QPRT: variants seen among roughly 807,000 people sequenced by gnomAD.
The protein encoded by QPRT is nicotinate-nucleotide pyrophosphorylase [carboxylating].
In QPRT, 17 loss-of-function variants were observed where a neutral mutation model predicts 19.8. The ratio of observed to expected loss-of-function variants is 0.86; its 90% CI spans 0.59 to 1.29. QPRT has a LOEUF of 1.29. Among genes scored for constraint, QPRT ranks in the 50% most tolerant of loss-of-function variants. The pLI is 0.00. For synonymous variants in QPRT, 178 were observed against 191.0 expected, an observed-to-expected ratio of 0.93 and a Z score of 0.56; for missense variants, 336 against 405.1, an observed-to-expected ratio of 0.83 and a Z score of 1.46.
intron 1 of QPRT, among the ~76,000 whole-genome samples, chr16:29,687,462 C>G (rs780136167): frequency 6.6e-6 from 1 of 152,358 alleles, no homozygotes; most frequent in Non-Finnish European, 1.5e-5. Flanking sequence ...CCAGCCCTGG[C>G]TCTGCCACTT....
At chr16:29,693,632 G>C (rs1451955367) in intron 1 of QPRT, among the ~76,000 whole-genome samples, 1 of 151,878 alleles carries the variant, frequency 6.6e-6, no homozygotes, top group Non-Finnish European at 1.5e-5. Flanking sequence ...TGTCACCCAG[G>C]CTGGAGTGCA....
In QPRT at chr16:29,695,072, C is replaced by G; in HGVS notation, c.422C>G (p.Thr141Arg). 1 of 1,606,478 alleles carries G rather than the reference C, an allele frequency of 6.2e-7. No homozygotes were observed. Among genetic ancestry groups the G allele is most frequent in the Non-Finnish European group, 8.5e-7 (1 of 1,178,782 alleles). The change falls in exon 2 of 4, where the codon ACG becomes AGG. Residue 141 changes from threonine (T) to arginine (R), a missense_variant. Coordinates refer to ENST00000395384, the MANE Select transcript of QPRT (RefSeq NM_014298.6). ...TGHVAGTRKTTPGFRLVEKYG... is the reference protein window; with the variant it reads ...TGHVAGTRKTRPGFRLVEKYG... ...CACGTGGCAGGCACGAGGAAGACCA[C>G]GCCAGGCTTCCGGCTGGTGGAGAAG...
rs1967178053 is a variant in QPRT at position 29,686,869 on chromosome 16, G to A, written c.13+7659G>A. Among the ~76,000 whole-genome samples, 6 of 152,272 alleles carry A rather than the reference G, an allele frequency of 3.9e-5. No individual in the cohort carries two copies. In the South Asian group the frequency reaches 1.2e-3, roughly 32 times the overall value. On this transcript the variant is annotated intron_variant, in intron 1 of 3. Transcript: ENST00000395384. Reference sequence around the variant, plus strand: ...CCAGAGTGCTGGGATTAACAGACATGAGCCTCCACACCTGGCAACTTCTTT... The same window carrying A: ...CCAGAGTGCTGGGATTAACAGACATAAGCCTCCACACCTGGCAACTTCTTT...
chr16:29,697,634 C>T lies in QPRT; in HGVS notation c.*223C>T, dbSNP rs1444942262. 1.6e-5 allele frequency: 9 copies of T among 575,500 alleles called. No individual in the cohort carries two copies. The highest frequency in any genetic ancestry group is 2.5e-5 in the Non-Finnish European group (8 of 326,222). The allele number at this position is 575,500 out of a possible 1,614,324, so 35.6% of individuals were successfully genotyped here. On this transcript the variant is annotated 3_prime_UTR_variant, in exon 4 of 4. Coordinates refer to ENST00000395384, the MANE Select transcript of QPRT (RefSeq NM_014298.6). This position sits in a 1 kb window ranked among gnomAD's most constrained non-coding sequence, Gnocchi z 4.4. ...TAAAATGGGTCTAATAAAGGATCAACCACATGGGGTTCTGCGGTGATAATG... is the reference window on the plus strand; with the variant it reads ...TAAAATGGGTCTAATAAAGGATCAATCACATGGGGTTCTGCGGTGATAATG...
intron 1 of QPRT, among the ~76,000 whole-genome samples, chr16:29,680,366 G>C (rs1268497319): frequency 6.6e-6 from 1 of 152,172 alleles, no homozygotes; most frequent in Admixed American, 6.6e-5. Flanking sequence ...TCAGCCCAGA[G>C]CATTCTGTGT....
rs776288906 is a variant in QPRT, at chr16:29,694,968, C to T, written c.318C>T (p.Asn106=). The T allele has an allele frequency of 9.3e-6, 15 of 1,608,918 alleles. No individual in the cohort carries two copies. In the East Asian group the frequency reaches 3.3e-4, roughly 36 times the overall value. The change falls in exon 2 of 4, where the codon AAC becomes AAT. Residue 106 remains asparagine (N), a synonymous_variant. Coordinates refer to ENST00000395384, the MANE Select transcript of QPRT (RefSeq NM_014298.6). The part of the protein sequence containing the change: ...CLLLGERVAL[N]TLARCSGIAS... ...TGCTGGGGGAACGGGTGGCCCTCAA[C>T]ACGCTGGCCCGCTGCAGTGGCATTG...
chr16:29,684,391 G>A (rs949186721), intron 1 of QPRT, among the ~76,000 whole-genome samples: 1 of 152,146 alleles, frequency 6.6e-6, no homozygotes, highest in Non-Finnish European at 1.5e-5. Context: ...TGCCTCCCAG[G>A]TTCAAGCGAT....
intron 1 of QPRT, 70 bp from the exon 2 acceptor site, chr16:29,694,594 A>T: frequency 6.8e-7 from 1 of 1,465,938 alleles, no homozygotes. Flanking sequence ...TGGTTGTTAA[A>T]TATTTTGACA....
At position 29,694,415 on chromosome 16, in the gene QPRT, G is replaced by A. The variant is rs149313546; in HGVS notation, c.14-249G>A. 3.2e-3 allele frequency among the ~76,000 whole-genome samples: 484 copies of A among 152,166 alleles called. 4 individuals are homozygous for A. The highest frequency in any genetic ancestry group is 0.011 in the African/African-American group (464 of 41,524). ...ATTACAGGCGTGAGCCACCGCGCCC[G>A]GCCCAGAAGTTTAAATTTAACTAGG... is the stretch of plus-strand genomic sequence containing the variant. On this transcript the variant is annotated intron_variant, in intron 1 of 3. Coordinates refer to ENST00000395384, the MANE Select transcript of QPRT (RefSeq NM_014298.6).
In QPRT at chr16:29,697,324, G is replaced by T. The variant is rs1175460015; in HGVS notation, c.807G>T (p.Met269Ile). Residue 269 changes from methionine to isoleucine, a missense_variant, in exon 4 of 4, where the codon ATG becomes ATT. Physicochemically the swap from Met to Ile is conservative, Grantham distance 10. Coordinates refer to ENST00000395384, the MANE Select transcript of QPRT (RefSeq NM_014298.6). This position sits in a 1 kb window ranked among gnomAD's most constrained non-coding sequence, Gnocchi z 4.4. ...GGCCGCACATAGACGTCATCTCCAT[G>T]GGGATGCTGACCCAGGCGGCCCCAG... ...FCGPHIDVIS[M>I]GMLTQAAPAL... 6.2e-7 allele frequency: 1 copy of T among 1,614,160 alleles called. No homozygotes were observed. The highest frequency in any genetic ancestry group is 1.7e-5 in the Admixed American group (1 of 60,024).
At chr16:29,681,493 C>CTTTTTTTTTTTTTTTT in intron 1 of QPRT, among the ~76,000 whole-genome samples, 2 of 97,152 alleles carry the variant, frequency 2.1e-5, no homozygotes, top group Non-Finnish European at 3.7e-5. Context: ...GATCCAGATT[C>CTTTTTTTTTTTTTTTT]TTTTTTTTTT....
At position 29,685,381 on chromosome 16, in the gene QPRT, G is replaced by A. The variant is rs147339604; in HGVS notation, c.13+6171G>A. ...AGCTACTCGGGAGGCTGAGGCGGGA[G>A]AACCACTTGAACCCGGGAGGCAGAG... is the stretch of plus-strand genomic sequence containing the variant. On this transcript the variant is annotated intron_variant, in intron 1 of 3. Transcript: ENST00000395384. Among the ~76,000 whole-genome samples, 974 of 152,218 alleles carry A rather than the reference G, an allele frequency of 6.4e-3. 12 individuals carry two copies. Among genetic ancestry groups the A allele is most frequent in the African/African-American group, 0.022 (932 of 41,524 alleles).
At chr16:29,693,142 T>C (rs1293772692) in intron 1 of QPRT, among the ~76,000 whole-genome samples, 2 of 152,118 alleles carry the variant, frequency 1.3e-5, no homozygotes, top group African/African-American at 4.8e-5. Flanking sequence ...TACAATCCAA[T>C]TGCATTCTTT....
rs775190598 is a variant in QPRT at position 29,695,132 on chromosome 16, G to T, written c.482G>T (p.Arg161Leu). The T allele has an allele frequency of 3.2e-6, 5 of 1,585,586 alleles. No homozygotes were observed. The highest frequency in any genetic ancestry group is 4.3e-6 in the Non-Finnish European group (5 of 1,167,064). Residue 161 changes from arginine to leucine, a missense_variant, in exon 2 of 4, where the codon CGC (arginine) becomes CTC (leucine). Arg to Leu is a moderately radical substitution (Grantham distance 102). Coordinates refer to ENST00000395384, the MANE Select transcript of QPRT (RefSeq NM_014298.6). ...CTGGTGGGCGGGGCCGCCTCGCACC[G>T]CTACGACCTGGGAGGGCTGGTGATG... ...GLLVGGAASH[R>L]YDLGGLVMVK...
chr16:29,680,115 G>C (rs1567326509), intron 1 of QPRT, among the ~76,000 whole-genome samples: 1 of 151,868 alleles, frequency 6.6e-6, no homozygotes, highest in Non-Finnish European at 1.5e-5. Context: ...CCGCCGCCAC[G>C]CCTGGCTAAT....
chr16:29,688,577 T>C (rs1287377827), intron 1 of QPRT, among the ~76,000 whole-genome samples: 1 of 152,040 alleles, frequency 6.6e-6, no homozygotes, highest in African/African-American at 2.4e-5. Context: ...TGGAGTACAG[T>C]GGTGCTATCT....
At chr16:29,693,883 C>T (rs1052294586) in intron 1 of QPRT, among the ~76,000 whole-genome samples, 1 of 152,084 alleles carries the variant, frequency 6.6e-6, no homozygotes, top group African/African-American at 2.4e-5. Context: ...AGCCACCGCG[C>T]CTGGCCAGAC....
At chr16:29,688,416 G>C (rs1596791047) in intron 1 of QPRT, among the ~76,000 whole-genome samples, 1 of 152,114 alleles carries the variant, frequency 6.6e-6, no homozygotes, top group Non-Finnish European at 1.5e-5. Flanking sequence ...AGGTGAACAC[G>C]GAAGTCCAAG....
At chr16:29,680,148 G>T (rs1470638525) in intron 1 of QPRT, among the ~76,000 whole-genome samples, 2 of 151,814 alleles carry the variant, frequency 1.3e-5, no homozygotes, top group Non-Finnish European at 2.9e-5. Context: ...TAGTAGAGAC[G>T]GGGTTTCACC....
Sources: allele counts gnomAD v4.1 joint callset (sites outside exome capture counted in the v4.1 genomes callset), GRCh38; gene constraint gnomAD v4.1.1; non-coding constraint Gnocchi (gnomAD v3.1); transcripts MANE v1.5; gene names NCBI Gene and HGNC (gene_info 2026-07-23, HGNC 2026-07-21).